ANKRD18A: variants seen among roughly 807,000 people sequenced by gnomAD.
ANKRD18A encodes ankyrin repeat domain 18A, also known as ankyrin repeat domain-containing protein 18A.
A neutral mutation model predicts 110.6 loss-of-function variants in ANKRD18A; 72 were observed. The observed-to-expected ratio is 0.65, with a 90% CI of 0.54 to 0.79. ANKRD18A has a LOEUF of 0.79. Among genes scored for constraint, ANKRD18A ranks in the 30% least tolerant of loss-of-function variants. ANKRD18A has a pLI of 0.00. For missense variants in ANKRD18A, 934 were observed against 1,163.3 expected (o/e 0.80, Z 2.87); for synonymous variants, 305 against 410.3 (o/e 0.74, Z 3.10).
At chr9:38,615,515 T>C (rs1023150521) in intron 3 of ANKRD18A, 79 bp downstream of exon 3, 3 of 1,443,906 alleles carry the variant, frequency 2.1e-6, no homozygotes, top group African/African-American at 2.9e-5. Context: ...AATACTTGAG[T>C]TCCAAATATG....
chr9:38,608,790 G>C (rs1031815559), intron 5 of ANKRD18A, among the ~76,000 whole-genome samples: 6 of 150,030 alleles, frequency 4.0e-5, no homozygotes, highest in South Asian at 4.2e-4. Flanking sequence ...TCATTATTAT[G>C]GAAACACATT....
At chr9:38,602,415 C>G (rs540314541) in intron 7 of ANKRD18A, among the ~76,000 whole-genome samples, 1 of 152,184 alleles carries the variant, frequency 6.6e-6, no homozygotes, top group South Asian at 2.1e-4. Context: ...GGGAGAGAAG[C>G]CTCCCAGAGC....
Position 38,597,997 on chromosome 9 carries a change from T to C in ANKRD18A, c.937-1594A>G, listed in dbSNP as rs138805257. On this transcript the variant is annotated intron_variant, in intron 8 of 15. Transcript: ENST00000399703. Reference sequence around the variant, plus strand: ...CCAAAAACATTTAAAGTGGCCATGATGGAATTATAAGTTTAAACAGTTTGA... The same window carrying C: ...CCAAAAACATTTAAAGTGGCCATGACGGAATTATAAGTTTAAACAGTTTGA... Among the ~76,000 whole-genome samples, 115 of 152,274 alleles carry C rather than the reference T, an allele frequency of 7.6e-4. 1 individual carries two copies. The East Asian group carries it at 0.021, about 28-fold the overall frequency.
At chr9:38,608,112 C>T (rs2118853535) in intron 5 of ANKRD18A, among the ~76,000 whole-genome samples, 1 of 152,278 alleles carries the variant, frequency 6.6e-6, no homozygotes, top group East Asian at 1.9e-4. Context: ...AGCATTTTAG[C>T]TAGTTCATAA....
intron 3 of ANKRD18A, among the ~76,000 whole-genome samples, chr9:38,614,396 C>A (rs1481105171): frequency 6.6e-6 from 1 of 152,010 alleles, no homozygotes; most frequent in African/African-American, 2.4e-5. Context: ...AATCCTCCCA[C>A]CTCAGCCTCC....
chr9:38,588,415 T>C (rs1362477576), intron 11 of ANKRD18A, 136 bp downstream of exon 11: 7 of 614,600 alleles, frequency 1.1e-5, no homozygotes, highest in South Asian at 6.4e-5. Flanking sequence ...GTTTCTGAAA[T>C]ACATTTTAAA....
intron 1 of ANKRD18A, among the ~76,000 whole-genome samples, chr9:38,618,312 A>G (rs1825940564): frequency 6.6e-6 from 1 of 152,232 alleles, no homozygotes; most frequent in African/African-American, 2.4e-5. Flanking sequence ...TATTTTGTGC[A>G]TAGTATTGCC....
chr9:38,582,940 G>T (rs1824224649), intron 12 of ANKRD18A, among the ~76,000 whole-genome samples: 1 of 152,144 alleles, frequency 6.6e-6, no homozygotes, highest in Admixed American at 6.5e-5. Context: ...TACATATATA[G>T]GATATATAAA....
At chr9:38,611,407 T>G in intron 3 of ANKRD18A, 86 bp from the exon 4 acceptor site, 1 of 1,497,718 alleles carries the variant, frequency 6.7e-7, no homozygotes, top group Non-Finnish European at 8.9e-7. Context: ...TGCTATGAAC[T>G]TAAACATGCA....
At chr9:38,573,821 C>A (rs1823765657) in intron 15 of ANKRD18A, among the ~76,000 whole-genome samples, 1 of 151,808 alleles carries the variant, frequency 6.6e-6, no homozygotes, top group African/African-American at 2.4e-5. Context: ...AAAGTTTAAT[C>A]CATTTTTTAC....
chr9:38,579,853 T>A (rs1824076878), intron 12 of ANKRD18A, among the ~76,000 whole-genome samples: 1 of 152,188 alleles, frequency 6.6e-6, no homozygotes, highest in Non-Finnish European at 1.5e-5. Context: ...AAGAAAACAA[T>A]AGATCACAAG....
Position 38,577,206 on chromosome 9 carries a change from A to C in ANKRD18A, c.2588T>G (p.Leu863Arg), listed in dbSNP as rs1217479966. 8 of 1,546,886 alleles carry C rather than the reference A, an allele frequency of 5.2e-6. No homozygotes were observed. The South Asian group carries it at 8.4e-5, about 16-fold the overall frequency. ...EQLNKDNTASLKKKELTLKDV... is the reference protein window; with the variant it reads ...EQLNKDNTASRKKKELTLKDV... ...TTTAAGTGTGAGTTCCTTCTTTTTT[A>C]GTGAAGCCGTATTATCCTTGTTTAA... The change falls in exon 14 of 16, where the codon CTA becomes CGA. Residue 863 changes from leucine to arginine, a missense_variant. Coordinates refer to ENST00000399703, the MANE Select transcript of ANKRD18A (RefSeq NM_147195.4).
chr9:38,614,122 TC>T (rs1467739716), intron 3 of ANKRD18A, among the ~76,000 whole-genome samples: 2 of 152,094 alleles, frequency 1.3e-5, no homozygotes, highest in Non-Finnish European at 2.9e-5. Context: ...GAATGCCAAC[TC>T]TTTTAGAGAT....
chr9:38,600,625 T>C (rs978009265), intron 8 of ANKRD18A, among the ~76,000 whole-genome samples: 3 of 152,160 alleles, frequency 2.0e-5, no homozygotes, highest in African/African-American at 7.2e-5. Flanking sequence ...TGGATTGCTT[T>C]TATGACCCCA....
Position 38,620,440 on chromosome 9 carries a change from C to G in ANKRD18A, c.-155G>C. Reference sequence around the variant, plus strand: ...CCACCCCCAAATCCAAGATCCACCCCCAAACCCGCAATGTAGCTCAGAATC... The same window carrying G: ...CCACCCCCAAATCCAAGATCCACCCGCAAACCCGCAATGTAGCTCAGAATC... On this transcript the variant is annotated 5_prime_UTR_variant, in exon 1 of 16. Transcript: ENST00000399703. The G allele has an allele frequency of 7.1e-7, 1 of 1,415,756 alleles. No individual in the cohort carries two copies. The highest frequency in any genetic ancestry group is 9.3e-7 in the Non-Finnish European group (1 of 1,075,234). The allele number at this position is 1,415,756 out of a possible 1,614,324, so 87.7% of individuals were successfully genotyped here. A position where few individuals can be genotyped will look rare whatever the true frequency, so the allele number is the denominator to read the frequency against.
chr9:38,581,972 A>T (rs1824183365), intron 12 of ANKRD18A, among the ~76,000 whole-genome samples: 1 of 152,200 alleles, frequency 6.6e-6, no homozygotes, highest in Non-Finnish European at 1.5e-5. Context: ...GGTTTCTGAG[A>T]ATGCAAGATC....
chr9:38,608,570 T>A (rs1825459290), intron 5 of ANKRD18A, among the ~76,000 whole-genome samples: 1 of 146,506 alleles, frequency 6.8e-6, no homozygotes, highest in Non-Finnish European at 1.5e-5. Context: ...TATAACTATA[T>A]AATAATAGAT....
Position 38,571,863 on chromosome 9 carries a change from G to A in ANKRD18A, c.*182C>T, listed in dbSNP as rs1587476803. 7.7e-7 allele frequency: 1 copy of A among 1,298,478 alleles called. No individual in the cohort carries two copies. Among genetic ancestry groups the A allele is most frequent in the East Asian group, 3.3e-5 (1 of 30,418 alleles). The allele number at this position is 1,298,478 out of a possible 1,614,324, so 80.4% of individuals were successfully genotyped here. On this transcript the variant is annotated 3_prime_UTR_variant, in exon 16 of 16. Transcript: ENST00000399703. ...TGTGACATGAAAATATTCTACTTTA[G>A]TAAAGATTATGATGTTTTATATTAT... is the stretch of plus-strand genomic sequence containing the variant.
intron 3 of ANKRD18A, among the ~76,000 whole-genome samples, chr9:38,613,399 G>A (rs1825725106): frequency 6.6e-6 from 1 of 152,110 alleles, no homozygotes; most frequent in South Asian, 2.1e-4. Flanking sequence ...TGCTGTGAAT[G>A]TGTTGCTAAA....
Sources: allele counts gnomAD v4.1 joint callset (sites outside exome capture counted in the v4.1 genomes callset), GRCh38; gene constraint gnomAD v4.1.1; transcripts MANE v1.5; gene names NCBI Gene and HGNC (gene_info 2026-07-23, HGNC 2026-07-21).